The following ARSF variants were observed in gnomAD, a reference collection of about 807,000 sequenced individuals.
ARSF encodes arylsulfatase F.
ARSF carries 33 observed loss-of-function variants against 35.4 expected under a neutral mutation model. The ratio of observed to expected loss-of-function variants is 0.93; its 90% CI spans 0.71 to 1.25. The LOEUF is 1.25. ARSF is among the 50% of genes most tolerant of loss of function. ARSF has a pLI of 0.00. For missense variants in ARSF, 501 were observed against 480.2 expected (o/e 1.04, Z -0.40); for synonymous variants, 222 against 193.1 (o/e 1.15, Z -1.24).
chrX:3,111,275 A>G (rs189241483), intron 10 of ARSF, among the ~76,000 whole-genome samples: 4 of 111,950 alleles, frequency 3.6e-5, no homozygotes, highest in Non-Finnish European at 7.5e-5. Context: ...AAAATGTAAG[A>G]TTAAAAGTGT....
At chrX:3,073,075 A>G (rs1453663767) in intron 3 of ARSF, among the ~76,000 whole-genome samples, 2 of 99,948 alleles carry the variant, frequency 2.0e-5, no homozygotes, top group African/African-American at 7.1e-5. Context: ...ATATAAACAT[A>G]TATTTATATA....
rs149497017 is a variant in ARSF, at chrX:3,063,435, G to C, written c.-28-4638G>C. Among the ~76,000 whole-genome samples, 1,052 of 111,641 alleles carry C rather than the reference G, an allele frequency of 9.4e-3. 16 individuals carry two copies. Among genetic ancestry groups the C allele is most frequent in the African/African-American group, 0.032 (999 of 30,780 alleles). On this transcript the variant is annotated intron_variant, in intron 1 of 10. Coordinates refer to ENST00000381127, the MANE Select transcript of ARSF (RefSeq NM_001201539.2). ...TCTTTCACCACTCCTATTCAACATA[G>C]TGTTGGAAGTTCTGGTCAGGGCAAT... is the stretch of plus-strand genomic sequence containing the variant.
At chrX:3,059,101 C>T (rs892311258) in intron 1 of ARSF, among the ~76,000 whole-genome samples, 6 of 111,436 alleles carry the variant, frequency 5.4e-5, no homozygotes, top group East Asian at 2.8e-4. Flanking sequence ...GACTGCAAAC[C>T]GATGGTCATG....
intron 3 of ARSF, among the ~76,000 whole-genome samples, chrX:3,072,792 A>G (rs1227798910): frequency 9.4e-6 from 1 of 106,745 alleles, no homozygotes; most frequent in East Asian, 2.9e-4. Flanking sequence ...TATATGTGAT[A>G]TATTCATATA....
In ARSF at chrX:3,074,101, C is replaced by T. The variant is rs149463188; in HGVS notation, c.161+1926C>T. 2.1e-3 allele frequency among the ~76,000 whole-genome samples: 230 copies of T among 110,381 alleles called. 1 individual carries two copies. Among genetic ancestry groups the T allele is most frequent in the African/African-American group, 7.4e-3 (225 of 30,406 alleles). ...GAGCTAGGAGTCATGAAAAAGTAGT[C>T]GCCAAAAATTAACCATTGCTTATGA... On this transcript the variant is annotated intron_variant, in intron 3 of 10. Transcript: ENST00000381127.
rs139923989 is a variant in ARSF, at chrX:3,072,078, G to A, written c.64G>A (p.Ala22Thr). 4 of 1,200,987 alleles carry A rather than the reference G, an allele frequency of 3.3e-6. No homozygotes were observed. In the African/African-American group the frequency reaches 5.6e-5, roughly 17 times the overall value. ...GTGTGCACTCTTGAACACATGCCAG[G>A]CACACAGGGTGCATGACGACAAGCC... Reference protein sequence around the residue: ...LVCALLNTCQAHRVHDDKPNI... With the variant: ...LVCALLNTCQTHRVHDDKPNI... The change falls in exon 3 of 11, where the codon GCA (alanine) becomes ACA (threonine). Residue 22 changes from alanine (A) to threonine (T), a missense_variant. By Grantham distance (58) the Ala-to-Thr change is moderately conservative. Coordinates refer to ENST00000381127, the MANE Select transcript of ARSF (RefSeq NM_001201539.2).
At chrX:3,067,465 C>T (rs2090073463) in intron 1 of ARSF, among the ~76,000 whole-genome samples, 1 of 111,149 alleles carries the variant, frequency 9.0e-6, no homozygotes, top group Non-Finnish European at 1.9e-5. Context: ...TTTCCTTATT[C>T]AGGACACAGA....
chrX:3,082,018 C>T (rs1025092631), intron 5 of ARSF, among the ~76,000 whole-genome samples: 9 of 111,727 alleles, frequency 8.1e-5, no homozygotes, highest in Non-Finnish European at 3.8e-5. Flanking sequence ...TACCTATCCC[C>T]ACAGGCACTC....
Position 3,062,300 on chromosome X carries a change from A to G in ARSF, c.-28-5773A>G, listed in dbSNP as rs145254915. Among the ~76,000 whole-genome samples the G allele has an allele frequency of 9.5e-3, 1,066 of 111,685 alleles. 16 individuals are homozygous for G. Among genetic ancestry groups the G allele is most frequent in the African/African-American group, 0.032 (1,003 of 30,864 alleles). ...CCAGAATCTCTGGGACACATTTAAA[A>G]CAGTGTGTAGAGGGAAATTTATAGC... On this transcript the variant is annotated intron_variant, in intron 1 of 10. Transcript: ENST00000381127.
At chrX:3,075,132 T>C (rs1349458422) in intron 3 of ARSF, among the ~76,000 whole-genome samples, 1 of 111,743 alleles carries the variant, frequency 8.9e-6, no homozygotes, top group African/African-American at 3.3e-5. Flanking sequence ...TAGTTAGGCA[T>C]AAGTAAGGTC....
intron 1 of ARSF, among the ~76,000 whole-genome samples, chrX:3,063,637 C>T (rs1187429311): frequency 9.0e-6 from 1 of 111,696 alleles, no homozygotes; most frequent in Non-Finnish European, 1.9e-5. Flanking sequence ...GTGCAAAAAT[C>T]ACAAGCATTC....
In ARSF at chrX:3,076,539, C is replaced by G; in HGVS notation, c.162-9C>G. The G allele has an allele frequency of 8.4e-7, 1 of 1,196,625 alleles. No individual in the cohort carries two copies. The highest frequency in any genetic ancestry group is 1.1e-6 in the Non-Finnish European group (1 of 888,267). On this transcript the variant is annotated splice_polypyrimidine_tract_variant and intron_variant, in intron 3 of 10. Transcript: ENST00000381127. ...TTCTCTCCAATACACCTTCCCTCTC[C>G]CCCTTCAGGACGCCTCACATCGACC...
chrX:3,047,063 C>T (rs867012658), intron 1 of ARSF, among the ~76,000 whole-genome samples: 10 of 111,342 alleles, frequency 9.0e-5, no homozygotes, highest in Non-Finnish European at 1.7e-4. Context: ...GCCCGCGGGC[C>T]GTGGATTGGA....
intron 7 of ARSF, among the ~76,000 whole-genome samples, chrX:3,098,047 AACACACACACAC>A (rs3032523): frequency 1.1e-5 from 1 of 88,072 alleles, no homozygotes; most frequent in African/African-American, 4.3e-5. Context: ...ATACACACAC[AACACACACACAC>A]ACACACACAC....
chrX:3,048,721 C>T (rs1409666971), intron 1 of ARSF, among the ~76,000 whole-genome samples: 1 of 112,160 alleles, frequency 8.9e-6, no homozygotes, highest in Non-Finnish European at 1.9e-5. Flanking sequence ...GTCACAGGTG[C>T]ACGTTCTCAA....
chrX:3,092,920 C>G (rs1009202892), intron 7 of ARSF, among the ~76,000 whole-genome samples: 2 of 112,133 alleles, frequency 1.8e-5, no homozygotes, highest in East Asian at 5.6e-4. Flanking sequence ...CGCCTGTAAT[C>G]CCAGCACTTT....
At chrX:3,085,441 A>G (rs1208331674) in intron 6 of ARSF, among the ~76,000 whole-genome samples, 2 of 108,857 alleles carry the variant, frequency 1.8e-5, no homozygotes, top group African/African-American at 6.6e-5. Context: ...AAACAAAAAA[A>G]AAGCTACTTG....
chrX:3,105,458 C>G (rs1381465403), intron 9 of ARSF, among the ~76,000 whole-genome samples: 1 of 111,659 alleles, frequency 9.0e-6, no homozygotes, highest in Non-Finnish European at 1.9e-5. Flanking sequence ...ATATTTTATT[C>G]TTTATTTTTA....
At chrX:3,073,751 A>ATATT (rs201998185) in intron 3 of ARSF, among the ~76,000 whole-genome samples, 1,599 of 102,304 alleles carry the variant, frequency 0.016, 18 homozygotes, top group Middle Eastern at 0.04. Flanking sequence ...GAATTTATGA[A>ATATT]TATATATTCA....
Sources: allele counts gnomAD v4.1 joint callset (sites outside exome capture counted in the v4.1 genomes callset), GRCh38; gene constraint gnomAD v4.1.1; transcripts MANE v1.5; gene names NCBI Gene and HGNC (gene_info 2026-07-23, HGNC 2026-07-21).